ABCA5: variants seen among roughly 807,000 people sequenced by gnomAD.
ABCA5 encodes the protein ATP binding cassette subfamily A member 5.
Under a neutral mutation model 206.0 loss-of-function variants are expected in ABCA5, and 163 were observed. The observed-to-expected ratio is 0.79, with a 90% confidence interval of 0.70 to 0.90. The LOEUF is 0.90. Among genes scored for constraint, ABCA5 ranks in the 40% least tolerant of loss-of-function variants. The probability of loss-of-function intolerance (pLI) is 0.00; values close to 1 mark genes in which losing one functional copy is unlikely to be tolerated. For synonymous variants in ABCA5, 609 were observed against 613.8 expected (o/e 0.99, Z 0.11); for missense variants, 1,859 against 1,912.9 (o/e 0.97, Z 0.53).
intron 18 of ABCA5, among the ~76,000 whole-genome samples, chr17:69,279,741 T>C (rs2075371455): frequency 1.3e-5 from 2 of 152,198 alleles, no homozygotes; most frequent in Admixed American, 6.5e-5. Context: ...TATCTACAAC[T>C]ATCTGATCTT....
At chr17:69,271,905 A>C (rs1488400251) in intron 20 of ABCA5, among the ~76,000 whole-genome samples, 1 of 152,170 alleles carries the variant, frequency 6.6e-6, no homozygotes, top group South Asian at 2.1e-4. Context: ...ACATCTCTAC[A>C]TTCTCTAAAG....
At chr17:69,289,793 G>C (rs1188393350) in intron 13 of ABCA5, 69 bp downstream of exon 13, 2 of 1,232,398 alleles carry the variant, frequency 1.6e-6, no homozygotes, top group East Asian at 4.9e-5. Flanking sequence ...TATTTTTATT[G>C]CACAAGTCAT....
rs145462866 is a variant in ABCA5, at chr17:69,325,084, G to A, written c.-16+1968C>T. Among the ~76,000 whole-genome samples, 37 of 150,836 alleles carry A rather than the reference G, an allele frequency of 2.5e-4. No individual in the cohort carries two copies. In the East Asian group the frequency reaches 6.5e-3, roughly 26 times the overall value. ...ACGTGGCAATCCCAGTGGGAGGAAG[G>A]CTTGAGCCCAAGAGTTCAAGATCAA... On this transcript the variant is annotated intron_variant, in intron 1 of 38. Coordinates refer to ENST00000392676, the MANE Select transcript of ABCA5 (RefSeq NM_172232.4).
chr17:69,252,575 C>A (rs1275934873), intron 34 of ABCA5, among the ~76,000 whole-genome samples: 1 of 152,110 alleles, frequency 6.6e-6, no homozygotes, highest in African/African-American at 2.4e-5. Flanking sequence ...GTGCCTCACA[C>A]CTGTAATCCC....
chr17:69,260,374 A>T lies in ABCA5; in HGVS notation c.3603T>A (p.Tyr1201Ter). 1 of 1,609,046 alleles carries T rather than the reference A, an allele frequency of 6.2e-7. No homozygotes were observed. Among genetic ancestry groups the T allele is most frequent in the Non-Finnish European group, 8.5e-7 (1 of 1,176,988 alleles). ...CTACTGAAAGCCTATCCCATGGATTATAGGTGTCCACATTTTTTCGTACAT... is the reference window on the plus strand; with the variant it reads ...CTACTGAAAGCCTATCCCATGGATTTTAGGTGTCCACATTTTTTCGTACAT... ...WKNVRKNVDT[Y>*]NPWDRLSVAV... Residue 1201 changes from tyrosine to a stop codon, truncating the protein, a stop_gained, in exon 27 of 39, where the codon TAT (tyrosine) becomes TAA (stop). Coordinates refer to ENST00000392676, the MANE Select transcript of ABCA5 (RefSeq NM_172232.4). LOFTEE classifies it high-confidence loss of function.
At chr17:69,307,758 AGTG>A (rs1407371768) in intron 5 of ABCA5, among the ~76,000 whole-genome samples, 2 of 152,152 alleles carry the variant, frequency 1.3e-5, no homozygotes, top group Non-Finnish European at 2.9e-5. Context: ...ACTACATAGC[AGTG>A]TAACAACAGA....
chr17:69,291,400 T>G (rs1598183582), intron 11 of ABCA5, 74 bp from the exon 12 acceptor site: 1 of 928,318 alleles, frequency 1.1e-6, no homozygotes, highest in East Asian at 2.6e-5. Flanking sequence ...TCATAATATT[T>G]GAGCAATCTT....
intron 19 of ABCA5, among the ~76,000 whole-genome samples, chr17:69,275,336 T>C (rs1447293938): frequency 1.3e-5 from 2 of 152,208 alleles, no homozygotes; most frequent in African/African-American, 4.8e-5. Context: ...GAGCAGCTAC[T>C]TATCTGATAA....
chr17:69,308,252 T>C (rs746733980), intron 5 of ABCA5, 28 bp downstream of exon 5: 4 of 1,404,536 alleles, frequency 2.8e-6, no homozygotes, highest in Admixed American at 1.8e-5. Flanking sequence ...TGGCATAGTT[T>C]TTGTATTTCT....
chr17:69,308,701 C>T (rs1174110395), intron 4 of ABCA5, among the ~76,000 whole-genome samples: 4 of 152,012 alleles, frequency 2.6e-5, no homozygotes, highest in African/African-American at 7.2e-5. Flanking sequence ...AAAGCACTTC[C>T]AGAAGCAAGG....
intron 37 of ABCA5, chr17:69,249,555 T>C: frequency 4.3e-6 from 1 of 232,544 alleles, no homozygotes; most frequent in East Asian, 8.2e-5. Context: ...GACTCGATAA[T>C]TAAGCTGACC....
At chr17:69,289,827 A>T (rs370662823) in intron 13 of ABCA5, 35 bp downstream of exon 13, 168 of 1,495,104 alleles carry the variant, frequency 1.1e-4, no homozygotes, top group Middle Eastern at 2.1e-4. Flanking sequence ...TGATTACAGG[A>T]AATAAAAGTA....
In ABCA5 at chr17:69,306,876, T is replaced by C. The variant is rs771818111; in HGVS notation, c.637A>G (p.Ile213Val). Residue 213 changes from isoleucine to valine, a missense_variant, in exon 6 of 39, where the codon ATA (isoleucine) becomes GTA (valine). Transcript: ENST00000392676. ...VIMGETAVVE[I>V]DTFPRGVILI... ...ATTACTCCTCGGGGAAAGGTATCTA[T>C]TTCTACAACAGCAGTTTCTCCCATA... 1 of 1,601,672 alleles carries C rather than the reference T, an allele frequency of 6.2e-7. No homozygotes were observed. The highest frequency in any genetic ancestry group is 8.5e-7 in the Non-Finnish European group (1 of 1,173,402).
Position 69,250,525 on chromosome 17 carries a change from G to A in ABCA5, c.4632C>T (p.Asp1544=), listed in dbSNP as rs527916132. The A allele has an allele frequency of 1.2e-5, 20 of 1,602,082 alleles. No individual in the cohort carries two copies. In the South Asian group the frequency reaches 2.0e-4, roughly 16 times the overall value. ...LKDWIENLEV[D]RLQREIQYIF... ...TATACTGAATTTCTCTTTGAAGGCG[G>A]TCTACTTCTAGGTTTTCTATCCAGT... Residue 1544 remains aspartate (D), a synonymous_variant, in exon 36 of 39, where the codon GAC becomes GAT. Coordinates refer to ENST00000392676, the MANE Select transcript of ABCA5 (RefSeq NM_172232.4).
At chr17:69,301,576 C>T (rs2075652641) in intron 8 of ABCA5, among the ~76,000 whole-genome samples, 1 of 151,892 alleles carries the variant, frequency 6.6e-6, no homozygotes, top group African/African-American at 2.4e-5. Context: ...TAATTACTAA[C>T]AAATGAAATA....
intron 2 of ABCA5, 32 bp downstream of exon 2, chr17:69,314,282 A>G: frequency 6.9e-7 from 1 of 1,453,356 alleles, no homozygotes; most frequent in Non-Finnish European, 9.6e-7. Flanking sequence ...AATAAACTGC[A>G]AAAAAGCATA....
intron 21 of ABCA5, among the ~76,000 whole-genome samples, 173 bp from the exon 22 acceptor site, chr17:69,270,923 G>C (rs1235632754): frequency 6.6e-6 from 1 of 150,644 alleles, no homozygotes; most frequent in Non-Finnish European, 1.5e-5. Flanking sequence ...GGAATGTACA[G>C]ATATTTTAAT....
rs370427298 is a variant in ABCA5, at chr17:69,301,978, A to G, written c.1120-692T>C. Among the ~76,000 whole-genome samples, 402 of 152,286 alleles carry G rather than the reference A, an allele frequency of 2.6e-3. 3 individuals carry two copies. The highest frequency in any genetic ancestry group is 6.8e-3 in the South Asian group (33 of 4,828). ...GTTCCTAGAGAACGCGGACTCGGGG[A>G]CTCAATGAACTCTCAAAATGTATAA... On this transcript the variant is annotated intron_variant, in intron 8 of 38. Transcript: ENST00000392676.
intron 1 of ABCA5, among the ~76,000 whole-genome samples, chr17:69,324,730 C>T (rs2075886596): frequency 6.6e-6 from 1 of 152,176 alleles, no homozygotes; most frequent in African/African-American, 2.4e-5. Context: ...TAATGTTATA[C>T]ATTTCAACAA....
Sources: gnomAD v4.1 joint callset for allele counts (sites outside exome capture counted in the v4.1 genomes callset) on GRCh38, gnomAD v4.1.1 for gene constraint, MANE v1.5 for transcripts, NCBI Gene and HGNC (gene_info 2026-07-23, HGNC 2026-07-21) for gene names.